The following CRYZL1 variants were observed in gnomAD, a reference collection of about 807,000 sequenced individuals.
CRYZL1 encodes the protein crystallin zeta like 1.
Under a neutral mutation model 50.6 loss-of-function variants are expected in CRYZL1, and 34 were observed. That is an observed-to-expected ratio of 0.67 (90% CI 0.51 to 0.89). The LOEUF (loss-of-function observed/expected upper bound fraction) is 0.89, where lower values mean the gene tolerates loss of function less well. Among genes scored for constraint, CRYZL1 ranks in the 40% least tolerant of loss-of-function variants. The pLI is 0.00. For missense variants in CRYZL1, 354 were observed against 402.3 expected, an observed-to-expected ratio of 0.88 and a Z score of 1.03; for synonymous variants, 125 against 134.3, an observed-to-expected ratio of 0.93 and a Z score of 0.48.
chr21:33,628,670 C>T (rs982225038), intron 2 of CRYZL1, among the ~76,000 whole-genome samples: 11 of 150,214 alleles, frequency 7.3e-5, no homozygotes, highest in Admixed American at 2.0e-4. Context: ...GTCAAGATCA[C>T]GGCTCACTGC....
At chr21:33,620,930 C>T (rs540493679) in intron 4 of CRYZL1, among the ~76,000 whole-genome samples, 1 of 26,384 alleles carries the variant, frequency 3.8e-5, no homozygotes, top group African/African-American at 1.6e-4. Flanking sequence ...TTTTTTGAGA[C>T]GGAGTCTCGC....
chr21:33,597,426 AAGAG>A (rs776726495), intron 9 of CRYZL1, 25 bp from the exon 10 acceptor site: 20 of 1,487,288 alleles, frequency 1.3e-5, no homozygotes, highest in African/African-American at 7.0e-5. Context: ...GTTTTAAAAA[AAGAG>A]AGAGAGAAGA....
intron 12 of CRYZL1, among the ~76,000 whole-genome samples, 159 bp downstream of exon 12, chr21:33,591,003 T>A (rs1356359494): frequency 6.6e-6 from 1 of 152,214 alleles, no homozygotes; most frequent in Non-Finnish European, 1.5e-5. Flanking sequence ...GCCATTACTT[T>A]CAATGGCAAA....
intron 6 of CRYZL1, among the ~76,000 whole-genome samples, chr21:33,611,370 CT>C (rs2086871700): frequency 6.6e-6 from 1 of 151,940 alleles, no homozygotes; most frequent in Admixed American, 6.6e-5. Flanking sequence ...GAAAAAGTGT[CT>C]TTTGGAAATT....
chr21:33,596,181 T>G (rs2086691219), intron 10 of CRYZL1: 1 of 505,662 alleles, frequency 2.0e-6, no homozygotes, highest in Non-Finnish European at 4.0e-6. Context: ...AGCCATCATG[T>G]AAATATGTAA....
chr21:33,602,622 T>C (rs538696782), intron 7 of CRYZL1, among the ~76,000 whole-genome samples: 1 of 152,336 alleles, frequency 6.6e-6, no homozygotes, highest in East Asian at 1.9e-4. Flanking sequence ...GAGGGCCACA[T>C]TCAGACACAT....
intron 1 of CRYZL1, among the ~76,000 whole-genome samples, chr21:33,638,325 GC>G (rs2087235210): frequency 6.7e-6 from 1 of 150,128 alleles, no homozygotes; most frequent in Admixed American, 6.7e-5. Context: ...TGATTCTCCT[GC>G]CCCAGCCTCC....
intron 6 of CRYZL1, among the ~76,000 whole-genome samples, chr21:33,609,270 G>C (rs1307944427): frequency 6.6e-6 from 1 of 151,932 alleles, no homozygotes; most frequent in Non-Finnish European, 1.5e-5. Flanking sequence ...CAGTCTGTAG[G>C]CTGTCTCTGC....
chr21:33,602,494 A>G, intron 7 of CRYZL1, 149 bp from the exon 8 acceptor site: 1 of 448,128 alleles, frequency 2.2e-6, no homozygotes, highest in South Asian at 4.7e-5. Context: ...GAGCAAAGTT[A>G]TGGGCAAGTT....
In CRYZL1 at chr21:33,597,872, C is replaced by T. The variant is rs370770159; in HGVS notation, c.677-471G>A. Among the ~76,000 whole-genome samples, 111 of 152,264 alleles carry T rather than the reference C, an allele frequency of 7.3e-4. 1 individual carries two copies. The South Asian group carries it at 7.7e-3, about 11-fold the overall frequency. On this transcript the variant is annotated intron_variant, in intron 9 of 12. Coordinates refer to ENST00000381554, the MANE Select transcript of CRYZL1 (RefSeq NM_145858.3). ...CTCGTGATCCGCCCGCCTCGGCCTC[C>T]CAAAGTGCTGGGATTACAGGCATGA...
chr21:33,632,496 G>A (rs2087152829), intron 1 of CRYZL1, among the ~76,000 whole-genome samples: 1 of 151,084 alleles, frequency 6.6e-6, no homozygotes, highest in Admixed American at 6.6e-5. Flanking sequence ...GCCTGCCTCA[G>A]CCCCCCTAGT....
At chr21:33,618,146 G>A (rs1001523607) in intron 4 of CRYZL1, among the ~76,000 whole-genome samples, 11 of 151,966 alleles carry the variant, frequency 7.2e-5, no homozygotes, top group East Asian at 3.9e-4. Flanking sequence ...AAAATTAGCC[G>A]GGCGTGGTGG....
chr21:33,607,743 G>A (rs991594486), intron 6 of CRYZL1, among the ~76,000 whole-genome samples: 4 of 152,122 alleles, frequency 2.6e-5, no homozygotes, highest in Admixed American at 1.3e-4. Flanking sequence ...ATAGAGTTGT[G>A]GTGAACTGAA....
chr21:33,627,108 C>T (rs1340883035), intron 2 of CRYZL1, among the ~76,000 whole-genome samples: 1 of 152,192 alleles, frequency 6.6e-6, no homozygotes, highest in African/African-American at 2.4e-5. Context: ...TCATCCTGAT[C>T]AATGATAGAA....
intron 1 of CRYZL1, chr21:33,639,825 A>ATT (rs35747923): frequency 0.075 from 10,051 of 133,916 alleles, 644 homozygotes; most frequent in Non-Finnish European, 0.12. Flanking sequence ...ATAGATGTGT[A>ATT]TTTTTTTTTT....
chr21:33,600,933 G>GTTTGT (rs2086747164), intron 8 of CRYZL1, among the ~76,000 whole-genome samples: 1 of 59,520 alleles, frequency 1.7e-5, no homozygotes, highest in African/African-American at 6.3e-5. Context: ...GGTCCATAAA[G>GTTTGT]TTTTTTTTTT....
Position 33,595,826 on chromosome 21 carries a change from G to A in CRYZL1, c.809C>T (p.Pro270Leu). The change falls in exon 11 of 13, where the codon CCA becomes CTA. Residue 270 changes from proline (P) to leucine (L), a missense_variant. Coordinates refer to ENST00000381554, the MANE Select transcript of CRYZL1 (RefSeq NM_145858.3). ...TTEENLQLDP[P>L]DSHCLFLKGA... ...CTTGAGGAAAAGGCAGTGGCTATCT[G>A]GAGGATCCAACTTGGATAGAATGAA... is the stretch of plus-strand genomic sequence containing the variant. The A allele has an allele frequency of 6.2e-7, 1 of 1,610,076 alleles. No homozygotes were observed. Among genetic ancestry groups the A allele is most frequent in the Non-Finnish European group, 8.5e-7 (1 of 1,176,294 alleles).
At chr21:33,600,415 A>G (rs1246650198) in intron 8 of CRYZL1, among the ~76,000 whole-genome samples, 3 of 151,436 alleles carry the variant, frequency 2.0e-5, no homozygotes, top group Admixed American at 6.6e-5. Flanking sequence ...ACATGTTTGT[A>G]TTTCCTTTCT....
chr21:33,599,408 T>C (rs1320682418), intron 8 of CRYZL1, 160 bp from the exon 9 acceptor site: 1 of 1,018,230 alleles, frequency 9.8e-7, no homozygotes, highest in Non-Finnish European at 1.5e-6. Flanking sequence ...TCAATTTAAA[T>C]TATACTTTTT....
Sources: allele counts gnomAD v4.1 joint callset (sites outside exome capture counted in the v4.1 genomes callset), GRCh38; gene constraint gnomAD v4.1.1; transcripts MANE v1.5; gene names NCBI Gene and HGNC (gene_info 2026-07-23, HGNC 2026-07-21).